PRKD1: variants seen among roughly 807,000 people sequenced by gnomAD.
The protein encoded by PRKD1 is serine/threonine-protein kinase D1.
Under a neutral mutation model 95.9 loss-of-function variants are expected in PRKD1, and 63 were observed. That is an observed-to-expected ratio of 0.66 (90% CI 0.54 to 0.81). PRKD1 has a LOEUF of 0.81. Among genes scored for constraint, PRKD1 ranks in the 30% least tolerant of loss-of-function variants. The pLI, the probability that PRKD1 is intolerant of heterozygous loss-of-function variation, is 0.00. For missense variants in PRKD1, 1,048 were observed against 1,165.3 expected, an observed-to-expected ratio of 0.90 and a Z score of 1.47; for synonymous variants, 425 against 423.1, an observed-to-expected ratio of 1.00 and a Z score of -0.05.
chr14:29,883,955 T>C (rs1464932529), intron 1 of PRKD1, among the ~76,000 whole-genome samples: 2 of 152,196 alleles, frequency 1.3e-5, no homozygotes, highest in African/African-American at 4.8e-5. Flanking sequence ...CCCCATATGG[T>C]TGACCTTCTA....
chr14:29,594,229 G>A, intron 16 of PRKD1: 3 of 408,650 alleles, frequency 7.3e-6, no homozygotes, highest in South Asian at 3.6e-5. Context: ...ATCTATGCAT[G>A]TTATTAAGAT....
intron 2 of PRKD1, among the ~76,000 whole-genome samples, chr14:29,669,751 C>A (rs183997403): frequency 6.6e-6 from 1 of 152,064 alleles, no homozygotes; most frequent in African/African-American, 2.4e-5. Context: ...ACCTGTAATC[C>A]GAGCTACTTA....
chr14:29,703,194 C>T (rs2139332496), intron 2 of PRKD1, among the ~76,000 whole-genome samples: 1 of 152,276 alleles, frequency 6.6e-6, no homozygotes, highest in Middle Eastern at 3.4e-3. Flanking sequence ...CCAGCATCTC[C>T]TATCACCTTC....
chr14:29,707,968 C>T (rs911805954), intron 2 of PRKD1, among the ~76,000 whole-genome samples: 1 of 152,084 alleles, frequency 6.6e-6, no homozygotes, highest in African/African-American at 2.4e-5. Flanking sequence ...ATTAACTGCC[C>T]ATCTCTTCTA....
Position 29,849,264 on chromosome 14 carries a change from G to A in PRKD1, c.264+77985C>T, listed in dbSNP as rs148205187. ...CTGCTCTGGCCATGTGAAGACATGC[G>A]TGCCCGCTTCTCATTCACTTTCCAC... On this transcript the variant is annotated intron_variant, in intron 1 of 17. Coordinates refer to ENST00000331968, the MANE Select transcript of PRKD1 (RefSeq NM_002742.3). 9.9e-4 allele frequency among the ~76,000 whole-genome samples: 150 copies of A among 152,156 alleles called. 3 individuals are homozygous for A. The highest frequency in any genetic ancestry group is 3.4e-3 in the African/African-American group (143 of 41,510).
At chr14:29,698,953 C>T (rs866300035) in intron 2 of PRKD1, among the ~76,000 whole-genome samples, 7 of 151,898 alleles carry the variant, frequency 4.6e-5, no homozygotes, top group South Asian at 2.1e-4. Flanking sequence ...TGACAAGGTG[C>T]GATCCACCGA....
intron 10 of PRKD1, among the ~76,000 whole-genome samples, chr14:29,630,056 G>C (rs2993375): frequency 2.7e-5 from 4 of 147,914 alleles, no homozygotes; most frequent in Non-Finnish European, 5.9e-5. Context: ...TTTTCTTCTT[G>C]CTCTTTCTCT....
intron 16 of PRKD1, among the ~76,000 whole-genome samples, chr14:29,583,162 T>C (rs1892804339): frequency 6.6e-6 from 1 of 152,174 alleles, no homozygotes; most frequent in African/African-American, 2.4e-5. Flanking sequence ...ACATTCTTGG[T>C]ACCCTGTACC....
chr14:29,917,215 A>G (rs753325664), intron 1 of PRKD1, among the ~76,000 whole-genome samples: 3 of 152,244 alleles, frequency 2.0e-5, no homozygotes, highest in Non-Finnish European at 4.4e-5. Flanking sequence ...TCATTCACCC[A>G]AAACAAAGAA....
intron 1 of PRKD1, among the ~76,000 whole-genome samples, chr14:29,754,037 T>C (rs1263303499): frequency 6.6e-6 from 1 of 152,216 alleles, no homozygotes; most frequent in African/African-American, 2.4e-5. Context: ...GTTTACACTT[T>C]TACCAGCAGT....
chr14:29,681,832 A>G (rs2139269635), intron 2 of PRKD1, among the ~76,000 whole-genome samples: 1 of 152,314 alleles, frequency 6.6e-6, no homozygotes, highest in South Asian at 2.1e-4. Flanking sequence ...TGCTCTTTTG[A>G]TTCCAATATG....
intron 1 of PRKD1, among the ~76,000 whole-genome samples, chr14:29,747,781 T>C (rs1484487884): frequency 6.6e-6 from 1 of 152,192 alleles, no homozygotes; most frequent in Non-Finnish European, 1.5e-5. Flanking sequence ...TCTCACTCCA[T>C]TGTCCAGGCT....
At chr14:29,641,485 CTGTT>C (rs946851142) in intron 4 of PRKD1, among the ~76,000 whole-genome samples, 7 of 152,058 alleles carry the variant, frequency 4.6e-5, no homozygotes, top group African/African-American at 1.7e-4. Flanking sequence ...TGGAAGGAGA[CTGTT>C]TGAGTTGTTT....
chr14:29,901,838 C>T (rs953466355), intron 1 of PRKD1, among the ~76,000 whole-genome samples: 15 of 152,128 alleles, frequency 9.9e-5, no homozygotes, highest in Admixed American at 2.0e-4. Flanking sequence ...AAACAGGTAT[C>T]GCCATCCCTG....
At chr14:29,885,872 C>T (rs2139403823) in intron 1 of PRKD1, among the ~76,000 whole-genome samples, 1 of 147,120 alleles carries the variant, frequency 6.8e-6, no homozygotes, top group Admixed American at 6.9e-5. Context: ...GAAGCTGAGG[C>T]AGGAGAATTG....
intron 10 of PRKD1, among the ~76,000 whole-genome samples, chr14:29,629,837 C>G (rs910768806): frequency 6.6e-6 from 1 of 152,036 alleles, no homozygotes; most frequent in African/African-American, 2.4e-5. Context: ...ATACCCTGCA[C>G]AGAATACTAG....
intron 1 of PRKD1, among the ~76,000 whole-genome samples, chr14:29,895,661 C>T (rs114561845): frequency 1.1e-4 from 16 of 152,288 alleles, no homozygotes; most frequent in African/African-American, 3.8e-4. Flanking sequence ...CCACTCACTC[C>T]ATACCAGCCT....
At chr14:29,635,948 T>G (rs1176238427) in intron 7 of PRKD1, among the ~76,000 whole-genome samples, 1 of 152,216 alleles carries the variant, frequency 6.6e-6, no homozygotes, top group Non-Finnish European at 1.5e-5. Flanking sequence ...CTGCTGAGTT[T>G]GATCTTGATT....
chr14:29,834,870 A>C (rs1891550840), intron 1 of PRKD1, among the ~76,000 whole-genome samples: 1 of 152,174 alleles, frequency 6.6e-6, no homozygotes, highest in South Asian at 2.1e-4. Context: ...ATACGGATAA[A>C]GGTGGTGGAG....
Sources: allele counts gnomAD v4.1 joint callset (sites outside exome capture counted in the v4.1 genomes callset), GRCh38; gene constraint gnomAD v4.1.1; transcripts MANE v1.5; gene names NCBI Gene and HGNC (gene_info 2026-07-23, HGNC 2026-07-21).